The following ARMH1 variants were observed in gnomAD, a reference collection of about 807,000 sequenced individuals.
ARMH1 encodes armadillo-like helical domain containing protein 1.
ARMH1 carries 34 observed loss-of-function variants against 50.2 expected under a neutral mutation model. That is an observed-to-expected ratio of 0.68 (90% confidence interval 0.51 to 0.90). ARMH1 has a LOEUF of 0.90. Ranked by LOEUF, ARMH1 falls within the 40% of genes least tolerant of loss-of-function variation. The pLI, the probability that ARMH1 is intolerant of heterozygous loss-of-function variation, is 0.00. For missense variants in ARMH1, 538 were observed against 553.9 expected (o/e 0.97, Z 0.29); for synonymous variants, 221 against 224.2 (o/e 0.99, Z 0.13).
intron 1 of ARMH1, 48 bp from the exon 2 acceptor site, chr1:44,689,628 A>G: frequency 1.4e-6 from 2 of 1,397,830 alleles, no homozygotes; most frequent in South Asian, 2.5e-5. Context: ...ATGGAGTTGC[A>G]TGATTCTAAA....
chr1:44,697,372 A>C (rs1645862957), intron 3 of ARMH1, among the ~76,000 whole-genome samples: 1 of 152,016 alleles, frequency 6.6e-6, no homozygotes, highest in Admixed American at 6.6e-5. Context: ...GCGCTTCACT[A>C]GTCAGCACCC....
chr1:44,721,273 ATTGT>A (rs1026378277), intron 6 of ARMH1, among the ~76,000 whole-genome samples: 4 of 152,230 alleles, frequency 2.6e-5, no homozygotes, highest in Admixed American at 6.5e-5. Flanking sequence ...GTAGTCCAGA[ATTGT>A]TTGTGTCCCC....
chr1:44,704,910 C>T (rs1646271604), intron 6 of ARMH1, among the ~76,000 whole-genome samples: 1 of 150,928 alleles, frequency 6.6e-6, no homozygotes, highest in African/African-American at 2.4e-5. Context: ...TCTCAGCTCA[C>T]TGCAAGCTCT....
At chr1:44,717,282 A>C (rs76042672) in intron 6 of ARMH1, among the ~76,000 whole-genome samples, 1 of 152,344 alleles carries the variant, frequency 6.6e-6, no homozygotes, top group African/African-American at 2.4e-5. Flanking sequence ...ATAGCCCTGC[A>C]GAAGCTGGGG....
At chr1:44,714,796 C>A (rs528328495) in intron 6 of ARMH1, among the ~76,000 whole-genome samples, 3 of 151,962 alleles carry the variant, frequency 2.0e-5, no homozygotes, top group Non-Finnish European at 4.4e-5. Flanking sequence ...CAGGCACATG[C>A]CACTATGCCT....
intron 6 of ARMH1, among the ~76,000 whole-genome samples, chr1:44,717,930 G>C (rs551391249): frequency 6.6e-6 from 1 of 152,068 alleles, no homozygotes; most frequent in Non-Finnish European, 1.5e-5. Flanking sequence ...TTTCACTTTG[G>C]GTATAAACAG....
chr1:44,685,775 G>A (rs1382935649), intron 1 of ARMH1, among the ~76,000 whole-genome samples: 2 of 151,850 alleles, frequency 1.3e-5, no homozygotes, highest in African/African-American at 2.4e-5. Context: ...CTACAGGCAC[G>A]CGCCACCACG....
intron 2 of ARMH1, among the ~76,000 whole-genome samples, chr1:44,695,285 C>T (rs1003467227): frequency 6.6e-6 from 1 of 152,138 alleles, no homozygotes; most frequent in African/African-American, 2.4e-5. Context: ...ACTGGAGGGC[C>T]ATGGTGAGGA....
chr1:44,700,351 C>T (rs188701820), intron 4 of ARMH1, among the ~76,000 whole-genome samples: 4 of 152,298 alleles, frequency 2.6e-5, no homozygotes, highest in Admixed American at 1.3e-4. Context: ...GGCGCCGTGG[C>T]TCACGCCTCT....
Position 44,725,528 on chromosome 1 carries a change from T to A in ARMH1, c.*125T>A. 1.1e-6 allele frequency: 1 copy of A among 910,996 alleles called. No individual in the cohort carries two copies. Among genetic ancestry groups the A allele is most frequent in the African/African-American group, 1.7e-5 (1 of 59,952 alleles). 56.4% of individuals were successfully genotyped at this position (910,996 alleles called of 1,614,324 possible). On this transcript the variant is annotated 3_prime_UTR_variant, in exon 12 of 12. Transcript: ENST00000535358. ...CCAGGGGGGAGACGGGGATTAGGCATCCCAGAGGGGCAGAGGAAGAGCCGC... is the reference window on the plus strand; with the variant it reads ...CCAGGGGGGAGACGGGGATTAGGCAACCCAGAGGGGCAGAGGAAGAGCCGC...
chr1:44,701,098 G>A lies in ARMH1; in HGVS notation c.618G>A (p.Leu206=). 1 of 1,551,114 alleles carries A rather than the reference G, an allele frequency of 6.4e-7. No homozygotes were observed. Among genetic ancestry groups the A allele is most frequent in the Non-Finnish European group, 8.7e-7 (1 of 1,146,650 alleles). ...CESPKAQQLS[L]QTLRTAQPII... Reference sequence around the variant, plus strand: ...CCCCAAAAGCCCAGCAGCTGTCCCTGCAGACTCTCAGGACTGCCCAGGTGA... The same window carrying A: ...CCCCAAAAGCCCAGCAGCTGTCCCTACAGACTCTCAGGACTGCCCAGGTGA... Residue 206 remains leucine, a synonymous_variant, in exon 5 of 12, where the codon CTG becomes CTA. Transcript: ENST00000535358.
chr1:44,719,709 G>C (rs1243291790), intron 6 of ARMH1, among the ~76,000 whole-genome samples: 1 of 152,232 alleles, frequency 6.6e-6, no homozygotes, highest in African/African-American at 2.4e-5. Context: ...GACCTGTTCT[G>C]TGTGCTCTGT....
chr1:44,690,046 T>C (rs1185417514), intron 2 of ARMH1, 143 bp downstream of exon 2: 13 of 703,616 alleles, frequency 1.8e-5, no homozygotes, highest in Admixed American at 9.0e-5. Flanking sequence ...GGTGAAACCC[T>C]GTCTCTACTA....
chr1:44,710,281 T>C (rs1481869717), intron 6 of ARMH1, among the ~76,000 whole-genome samples: 6 of 152,030 alleles, frequency 3.9e-5, no homozygotes, highest in Non-Finnish European at 5.9e-5. Flanking sequence ...GTTACTTAGG[T>C]TCCTAATTCT....
At chr1:44,718,316 C>T (rs558717393) in intron 6 of ARMH1, among the ~76,000 whole-genome samples, 5 of 152,248 alleles carry the variant, frequency 3.3e-5, no homozygotes, top group Non-Finnish European at 1.5e-5. Flanking sequence ...GTGCTGCAGG[C>T]GACAAAGCCA....
At chr1:44,693,783 T>C (rs960595698) in intron 2 of ARMH1, among the ~76,000 whole-genome samples, 16 of 152,190 alleles carry the variant, frequency 1.1e-4, no homozygotes, top group African/African-American at 3.9e-4. Context: ...ATTAATTTGA[T>C]TGTTTTAAAT....
rs549924932 is a variant in ARMH1 at position 44,724,372 on chromosome 1, C to T, written c.900C>T (p.Ala300=). Residue 300 remains alanine (A), a synonymous_variant, in exon 8 of 12, where the codon GCC becomes GCT. Transcript: ENST00000535358. This position sits in a 1 kb window ranked among gnomAD's most constrained non-coding sequence, Gnocchi z 6.4. ...GCCTGCCGATGTTTTTGCAGCAGGCCGCGGCCGCCAAGGCCATCGGGTAAG... is the reference window on the plus strand; with the variant it reads ...GCCTGCCGATGTTTTTGCAGCAGGCTGCGGCCGCCAAGGCCATCGGGTAAG... ...TPSLPMFLQQ[A]AAAKAIGVLA... 2.4e-4 allele frequency: 372 copies of T among 1,550,968 alleles called. 1 individual carries two copies. The African/African-American group carries it at 4.3e-3, about 18-fold the overall frequency.
At chr1:44,698,303 T>C in intron 4 of ARMH1, 74 bp downstream of exon 4, 2 of 1,312,548 alleles carry the variant, frequency 1.5e-6, no homozygotes, top group East Asian at 2.7e-5. Flanking sequence ...ACCACTGCTA[T>C]AGGAAAAACA....
chr1:44,690,871 G>T (rs1442352386), intron 2 of ARMH1, among the ~76,000 whole-genome samples: 1 of 152,000 alleles, frequency 6.6e-6, no homozygotes, highest in African/African-American at 2.4e-5. Flanking sequence ...TAGAGACAGG[G>T]TTTCACCATG....
Sources: gnomAD v4.1 joint callset for allele counts (sites outside exome capture counted in the v4.1 genomes callset) on GRCh38, gnomAD v4.1.1 for gene constraint, Gnocchi (gnomAD v3.1) non-coding constraint, MANE v1.5 for transcripts, NCBI Gene and HGNC (gene_info 2026-07-23, HGNC 2026-07-21) for gene names.